FAT3: variants seen among roughly 807,000 people sequenced by gnomAD.
FAT3 encodes protocadherin Fat 3.
A neutral mutation model predicts 310.2 loss-of-function variants in FAT3; 95 were observed. The ratio of observed to expected loss-of-function variants is 0.31; its 90% CI spans 0.26 to 0.36. FAT3 has a LOEUF of 0.36. Ranked by LOEUF, FAT3 falls within the 10% of genes least tolerant of loss-of-function variation. The pLI, the probability that FAT3 is intolerant of heterozygous loss-of-function variation, is 1.00. For missense variants in FAT3, 5,408 were observed against 5,715.6 expected (o/e 0.95, Z 1.74); for synonymous variants, 2,314 against 2,192.9 (o/e 1.06, Z -1.54).
Position 92,554,077 on chromosome 11 carries a change from A to G in FAT3, c.3607+29129A>G, listed in dbSNP as rs1018456720. ...CACCTTAGACTCCCAAAGTGCTGGG[A>G]TTACAGGTGTGAGCCACCGTGTCCA... On this transcript the variant is annotated intron_variant, in intron 3 of 27. Transcript: ENST00000525166. 3.3e-5 allele frequency among the ~76,000 whole-genome samples: 5 copies of G among 151,908 alleles called. No homozygotes were observed. In the South Asian group the frequency reaches 1.0e-3, roughly 32 times the overall value.
intron 12 of FAT3, among the ~76,000 whole-genome samples, 194 bp from the exon 13 acceptor site, chr11:92,809,649 A>T (rs1470216211): frequency 1.3e-5 from 2 of 152,238 alleles, no homozygotes; most frequent in Non-Finnish European, 2.9e-5. Context: ...TTGTTTTTGC[A>T]TCTAGAATCC....
At chr11:92,670,074 T>C (rs1943081675) in intron 3 of FAT3, among the ~76,000 whole-genome samples, 2 of 152,246 alleles carry the variant, frequency 1.3e-5, no homozygotes, top group Admixed American at 1.3e-4. Flanking sequence ...AGTGGTGTTT[T>C]CTGGCTAGAA....
intron 2 of FAT3, among the ~76,000 whole-genome samples, chr11:92,501,549 C>T (rs1311639007): frequency 6.6e-6 from 1 of 151,966 alleles, no homozygotes; most frequent in Non-Finnish European, 1.5e-5. Flanking sequence ...CTAGTAACTA[C>T]TTTAAGGAAT....
chr11:92,865,166 G>A (rs190288763), intron 21 of FAT3, among the ~76,000 whole-genome samples: 40 of 152,314 alleles, frequency 2.6e-4, no homozygotes, highest in Admixed American at 1.8e-3. Context: ...TATGTGGCAT[G>A]ACCTACGAAA....
intron 3 of FAT3, among the ~76,000 whole-genome samples, chr11:92,615,383 G>GT (rs1237305649): frequency 6.6e-6 from 1 of 151,894 alleles, no homozygotes; most frequent in Non-Finnish European, 1.5e-5. Context: ...AGTAGCTGGG[G>GT]TTACAGGCAC....
chr11:92,800,190 G>C lies in FAT3; in HGVS notation c.7177G>C (p.Val2393Leu), dbSNP rs774832004. 1 of 1,613,844 alleles carries C rather than the reference G, an allele frequency of 6.2e-7. No individual in the cohort carries two copies. The highest frequency in any genetic ancestry group is 8.5e-7 in the Non-Finnish European group (1 of 1,179,878). Residue 2393 changes from valine (V) to leucine (L), a missense_variant, in exon 10 of 28, where the codon GTT becomes CTT. Coordinates refer to ENST00000525166, the MANE Select transcript of FAT3 (RefSeq NM_001367949.2). The part of the protein sequence containing the change: ...YISDVNDNPP[V>L]FNQLIYESYV... The stretch of plus-strand genomic sequence containing the variant: ...CTCTGATGTAAATGACAACCCTCCA[G>C]TTTTTAATCAGCTCATTTATGAGTC...
chr11:92,728,008 G>A lies in FAT3; in HGVS notation c.3669+30563G>A, dbSNP rs139354660. Among the ~76,000 whole-genome samples the A allele has an allele frequency of 9.1e-3, 1,388 of 152,254 alleles. 22 individuals carry two copies. The highest frequency in any genetic ancestry group is 0.031 in the African/African-American group (1,278 of 41,542). ...TGCTGGCCAGTGGTGGCACTCCTGT[G>A]CCTCTGCACAAGTGTACTGAACAAC... On this transcript the variant is annotated intron_variant, in intron 4 of 27. Transcript: ENST00000525166.
Position 92,693,313 on chromosome 11 carries a change from A to G in FAT3, c.3608-4071A>G, listed in dbSNP as rs1342916878. On this transcript the variant is annotated intron_variant, in intron 3 of 27. Transcript: ENST00000525166. The stretch of plus-strand genomic sequence containing the variant: ...TGATTTATCTTTGAAATTCAGTTTC[A>G]TCATGTCAGTCCCCAATTTACTGTG... Among the ~76,000 whole-genome samples, 3 of 152,216 alleles carry G rather than the reference A, an allele frequency of 2.0e-5. No individual in the cohort carries two copies. The East Asian group carries it at 5.8e-4, about 29-fold the overall frequency.
intron 16 of FAT3, among the ~76,000 whole-genome samples, chr11:92,837,224 G>C (rs910902578): frequency 9.2e-5 from 14 of 152,194 alleles, no homozygotes; most frequent in Admixed American, 5.9e-4. Context: ...AAAGCAGATA[G>C]ACTCTACTGG....
At chr11:92,270,531 A>G (rs1007454449) in intron 1 of FAT3, among the ~76,000 whole-genome samples, 1 of 151,758 alleles carries the variant, frequency 6.6e-6, no homozygotes, top group Non-Finnish European at 1.5e-5. Context: ...ATACAAAAAA[A>G]AAAAAATTGC....
At chr11:92,568,853 C>T (rs1418014714) in intron 3 of FAT3, among the ~76,000 whole-genome samples, 2 of 152,184 alleles carry the variant, frequency 1.3e-5, no homozygotes, top group African/African-American at 4.8e-5. Flanking sequence ...TCACAGTGTG[C>T]TCTGACCTCA....
chr11:92,466,010 C>T (rs1260651829), intron 2 of FAT3, among the ~76,000 whole-genome samples: 1 of 152,140 alleles, frequency 6.6e-6, no homozygotes, highest in Admixed American at 6.6e-5. Flanking sequence ...AAAGCACTTT[C>T]ATGTACATCA....
At chr11:92,293,110 G>C (rs921723908) in intron 1 of FAT3, among the ~76,000 whole-genome samples, 15 of 151,058 alleles carry the variant, frequency 9.9e-5, no homozygotes, top group African/African-American at 3.4e-4. Context: ...AGGAAGGAAG[G>C]CTGGCTCTCA....
At chr11:92,485,827 CT>C (rs1351567996) in intron 2 of FAT3, among the ~76,000 whole-genome samples, 1 of 152,142 alleles carries the variant, frequency 6.6e-6, no homozygotes. Flanking sequence ...AAAACAACCC[CT>C]AATGATTTGA....
At chr11:92,695,441 T>C (rs1283425091) in intron 3 of FAT3, among the ~76,000 whole-genome samples, 2 of 152,048 alleles carry the variant, frequency 1.3e-5, no homozygotes, top group African/African-American at 2.4e-5. Flanking sequence ...AGACAGTAGC[T>C]CTTTACATCC....
intron 4 of FAT3, among the ~76,000 whole-genome samples, chr11:92,729,435 T>C (rs1409510999): frequency 6.6e-6 from 1 of 151,190 alleles, no homozygotes; most frequent in Non-Finnish European, 1.5e-5. Context: ...AATTTTTTTT[T>C]TTTTTTTTTG....
intron 1 of FAT3, among the ~76,000 whole-genome samples, chr11:92,232,028 T>C (rs566462107): frequency 6.6e-6 from 1 of 152,296 alleles, no homozygotes; most frequent in African/African-American, 2.4e-5. Context: ...TGGTTCTAAG[T>C]GGTGGCTTAA....
At chr11:92,648,134 A>G (rs1197183056) in intron 3 of FAT3, among the ~76,000 whole-genome samples, 1 of 152,170 alleles carries the variant, frequency 6.6e-6, no homozygotes, top group Non-Finnish European at 1.5e-5. Context: ...CTCATGCTCT[A>G]TTCCTATGAC....
chr11:92,620,796 A>C (rs1344863140), intron 3 of FAT3, among the ~76,000 whole-genome samples: 1 of 152,150 alleles, frequency 6.6e-6, no homozygotes, highest in Non-Finnish European at 1.5e-5. Context: ...TGGGTGACTT[A>C]AGCAACATTT....
Sources: gnomAD v4.1 joint callset for allele counts (sites outside exome capture counted in the v4.1 genomes callset) on GRCh38, gnomAD v4.1.1 for gene constraint, MANE v1.5 for transcripts, NCBI Gene and HGNC (gene_info 2026-07-23, HGNC 2026-07-21) for gene names.